Variants in LRRC3B observed in about 807,000 individuals in gnomAD.
The protein encoded by LRRC3B is leucine-rich repeat-containing protein 3B.
A neutral mutation model predicts 12.8 loss-of-function variants in LRRC3B; 2 were observed. The observed-to-expected ratio is 0.16, with a 90% CI of 0.06 to 0.49. The LOEUF is 0.49. LRRC3B is among the 20% of genes least tolerant of loss of function. LRRC3B has a pLI of 0.96. For missense variants in LRRC3B, 189 were observed against 319.4 expected (o/e 0.59, Z 3.11); for synonymous variants, 132 against 122.0 (o/e 1.08, Z -0.54).
At chr3:26,641,327 G>T (rs1396286333) in intron 1 of LRRC3B, among the ~76,000 whole-genome samples, 1 of 152,180 alleles carries the variant, frequency 6.6e-6, no homozygotes, top group Non-Finnish European at 1.5e-5. Flanking sequence ...GACCCAGGGG[G>T]ATGTGGAAGA....
At chr3:26,680,921 G>T (rs2125441297) in intron 1 of LRRC3B, among the ~76,000 whole-genome samples, 4 of 152,226 alleles carry the variant, frequency 2.6e-5, no homozygotes, top group Middle Eastern at 6.8e-3. Context: ...ATTAATCATA[G>T]AATTTAGTTT....
intron 1 of LRRC3B, among the ~76,000 whole-genome samples, chr3:26,667,842 C>A (rs1699639045): frequency 6.6e-6 from 1 of 152,024 alleles, no homozygotes; most frequent in Non-Finnish European, 1.5e-5. Flanking sequence ...CATTGGGAGG[C>A]AAATACCAAC....
At chr3:26,670,078 C>T (rs1451788429) in intron 1 of LRRC3B, among the ~76,000 whole-genome samples, 1 of 152,172 alleles carries the variant, frequency 6.6e-6, no homozygotes, top group Non-Finnish European at 1.5e-5. Flanking sequence ...GTTTAGAGCT[C>T]CATGCTAATC....
At chr3:26,681,533 G>T (rs1339721003) in intron 1 of LRRC3B, among the ~76,000 whole-genome samples, 1 of 152,148 alleles carries the variant, frequency 6.6e-6, no homozygotes, top group Admixed American at 6.5e-5. Context: ...ATTCAAGCAA[G>T]CTTCTCTGAG....
intron 1 of LRRC3B, among the ~76,000 whole-genome samples, chr3:26,627,337 G>C (rs1351064427): frequency 6.6e-6 from 1 of 152,174 alleles, no homozygotes; most frequent in Admixed American, 6.5e-5. Context: ...TTCAGAATCA[G>C]ATCAGCGGGG....
intron 1 of LRRC3B, among the ~76,000 whole-genome samples, chr3:26,666,802 C>G (rs2125427387): frequency 6.6e-6 from 1 of 152,154 alleles, no homozygotes; most frequent in Non-Finnish European, 1.5e-5. Flanking sequence ...GTCATACCAC[C>G]CTTTTCTCCT....
intron 1 of LRRC3B, among the ~76,000 whole-genome samples, chr3:26,650,883 C>G (rs995733024): frequency 2.0e-5 from 3 of 152,152 alleles, no homozygotes; most frequent in African/African-American, 7.2e-5. Flanking sequence ...GCTCATGTCT[C>G]CAGCCCCTCT....
intron 1 of LRRC3B, among the ~76,000 whole-genome samples, chr3:26,645,637 T>C (rs969822207): frequency 6.6e-6 from 1 of 152,138 alleles, no homozygotes; most frequent in African/African-American, 2.4e-5. Context: ...GCATTGCTCT[T>C]AGGCTCTGGA....
chr3:26,702,119 T>C (rs189030709), intron 1 of LRRC3B, among the ~76,000 whole-genome samples: 52 of 152,300 alleles, frequency 3.4e-4, no homozygotes, highest in Non-Finnish European at 6.2e-4. Flanking sequence ...GGTAAAACAG[T>C]GACCCTGCCT....
At chr3:26,671,161 G>T (rs1460855568) in intron 1 of LRRC3B, among the ~76,000 whole-genome samples, 1 of 140,340 alleles carries the variant, frequency 7.1e-6, no homozygotes, top group Non-Finnish European at 1.5e-5. Context: ...GACTACAGGC[G>T]CCCGCCACTA....
At chr3:26,636,978 C>T (rs186193163) in intron 1 of LRRC3B, among the ~76,000 whole-genome samples, 7,651 of 86,690 alleles carry the variant, frequency 0.088, 489 homozygotes, top group Middle Eastern at 0.16. Context: ...TTCTTTCTCT[C>T]TCTCTCTTTC....
intron 1 of LRRC3B, among the ~76,000 whole-genome samples, chr3:26,708,205 C>T (rs1700651360): frequency 6.6e-6 from 1 of 152,148 alleles, no homozygotes; most frequent in Admixed American, 6.5e-5. Flanking sequence ...GAATGCTCTT[C>T]TTGTTTCTTA....
intron 1 of LRRC3B, among the ~76,000 whole-genome samples, chr3:26,704,239 A>G (rs1458821946): frequency 1.3e-5 from 2 of 152,084 alleles, no homozygotes; most frequent in Non-Finnish European, 2.9e-5. Flanking sequence ...GCTGCTCTTT[A>G]GGGTAATCTT....
intron 1 of LRRC3B, among the ~76,000 whole-genome samples, chr3:26,662,681 T>C (rs1278436747): frequency 6.6e-6 from 1 of 152,168 alleles, no homozygotes; most frequent in Non-Finnish European, 1.5e-5. Context: ...CAAAATTTCT[T>C]GAAGAGAGTG....
chr3:26,707,743 ACTCCTCTGT>A (rs1185930184), intron 1 of LRRC3B, among the ~76,000 whole-genome samples: 19 of 147,980 alleles, frequency 1.3e-4, no homozygotes, highest in Non-Finnish European at 1.0e-4. Flanking sequence ...TTGTCCTTCT[ACTCCTCTGT>A]CTCCTCTCTT....
At chr3:26,652,624 A>G (rs1699288181) in intron 1 of LRRC3B, among the ~76,000 whole-genome samples, 2 of 152,186 alleles carry the variant, frequency 1.3e-5, no homozygotes, top group Non-Finnish European at 2.9e-5. Context: ...TCCATGTACT[A>G]AGTATGTCTC....
At chr3:26,643,255 A>AGTGTGT (rs76915536) in intron 1 of LRRC3B, among the ~76,000 whole-genome samples, 3 of 136,842 alleles carry the variant, frequency 2.2e-5, no homozygotes, top group Admixed American at 2.1e-4. Context: ...CATATGTGTG[A>AGTGTGT]GTGTGTGTGT....
intron 1 of LRRC3B, among the ~76,000 whole-genome samples, chr3:26,670,404 T>C (rs1009768216): frequency 1.3e-5 from 2 of 152,226 alleles, no homozygotes; most frequent in Non-Finnish European, 2.9e-5. Flanking sequence ...CAGTGAAATG[T>C]TCATTGTGTT....
intron 1 of LRRC3B, among the ~76,000 whole-genome samples, chr3:26,649,436 G>C (rs185175944): frequency 7.3e-5 from 11 of 150,524 alleles, no homozygotes; most frequent in Admixed American, 4.0e-4. Flanking sequence ...TCAAGGAAGC[G>C]AAGAGAACAC....
Sources: gnomAD v4.1 joint callset for allele counts (sites outside exome capture counted in the v4.1 genomes callset) on GRCh38, gnomAD v4.1.1 for gene constraint, MANE v1.5 for transcripts, NCBI Gene and HGNC (gene_info 2026-07-23, HGNC 2026-07-21) for gene names.